The following MYO1D variants were observed in gnomAD, a reference collection of about 807,000 sequenced individuals.
MYO1D encodes the protein unconventional myosin-Id.
In MYO1D, 83 loss-of-function variants were observed where a neutral mutation model predicts 122.0. The ratio of observed to expected loss-of-function variants is 0.68; its 90% confidence interval spans 0.57 to 0.82. The LOEUF is 0.82. Ranked by LOEUF, MYO1D falls within the 40% of genes least tolerant of loss-of-function variation. The probability of loss-of-function intolerance (pLI) is 0.00; values close to 1 mark genes in which losing one functional copy is unlikely to be tolerated. For synonymous variants in MYO1D, 464 were observed against 446.9 expected, an observed-to-expected ratio of 1.04 and a Z score of -0.48; for missense variants, 1,157 against 1,269.5, an observed-to-expected ratio of 0.91 and a Z score of 1.35.
In MYO1D at chr17:32,639,410, T is replaced by C. The variant is rs538560080; in HGVS notation, c.2596-575A>G. On this transcript the variant is annotated intron_variant, in intron 19 of 21. Transcript: ENST00000318217. ...GTGTGTGTGTGTGTGTGTGTGTGTG[T>C]AGAATGCTACTTTATTAGACAGAGG... Among the ~76,000 whole-genome samples the C allele has an allele frequency of 5.9e-4, 88 of 149,874 alleles. 1 individual carries two copies. The highest frequency in any genetic ancestry group is 2.1e-3 in the African/African-American group (84 of 40,666).
At chr17:32,808,180 C>T (rs556147118) in intron 1 of MYO1D, among the ~76,000 whole-genome samples, 47 of 152,022 alleles carry the variant, frequency 3.1e-4, no homozygotes, top group Admixed American at 9.8e-4. Context: ...TCAAGATCAG[C>T]CTGGGCAACA....
At chr17:32,602,882 G>A (rs571790222) in intron 21 of MYO1D, among the ~76,000 whole-genome samples, 14 of 152,188 alleles carry the variant, frequency 9.2e-5, no homozygotes, top group South Asian at 6.2e-4. Context: ...GCAATGATAC[G>A]ATAGTTGACA....
intron 1 of MYO1D, among the ~76,000 whole-genome samples, chr17:32,851,595 T>C (rs751377150): frequency 6.6e-6 from 1 of 152,238 alleles, no homozygotes; most frequent in Non-Finnish European, 1.5e-5. Context: ...TTTGCTTCTG[T>C]GATCTCTCTA....
At chr17:32,607,836 G>A (rs547191879) in intron 20 of MYO1D, among the ~76,000 whole-genome samples, 2 of 152,156 alleles carry the variant, frequency 1.3e-5, no homozygotes, top group South Asian at 2.1e-4. Flanking sequence ...ACAGACTCAC[G>A]TGAATATGGC....
intron 21 of MYO1D, among the ~76,000 whole-genome samples, chr17:32,537,184 T>A (rs1910688709): frequency 6.6e-6 from 1 of 152,214 alleles, no homozygotes; most frequent in African/African-American, 2.4e-5. Flanking sequence ...CATTTCAATT[T>A]AGAGTATTCA....
chr17:32,586,060 G>A (rs919307292), intron 21 of MYO1D, among the ~76,000 whole-genome samples: 2 of 152,102 alleles, frequency 1.3e-5, no homozygotes, highest in African/African-American at 2.4e-5. Flanking sequence ...GTTAGAGGAC[G>A]GTCTTTGAAT....
At chr17:32,833,508 A>G (rs2090791530) in intron 1 of MYO1D, among the ~76,000 whole-genome samples, 1 of 152,166 alleles carries the variant, frequency 6.6e-6, no homozygotes, top group South Asian at 2.1e-4. Context: ...CAGCCGGAGT[A>G]ATTCCGTTAA....
chr17:32,778,620 G>C, intron 2 of MYO1D, 47 bp from the exon 3 acceptor site: 1 of 1,472,856 alleles, frequency 6.8e-7, no homozygotes, highest in Non-Finnish European at 9.5e-7. Flanking sequence ...TTTAAACCAA[G>C]AGTAAGCTAA....
chr17:32,677,190 G>C (rs1044145021), intron 16 of MYO1D, among the ~76,000 whole-genome samples: 2 of 152,072 alleles, frequency 1.3e-5, no homozygotes, highest in East Asian at 1.9e-4. Context: ...AGTTAGAAAG[G>C]CCTTCCCTAC....
Position 32,700,347 on chromosome 17 carries a change from C to T in MYO1D, c.2121+11641G>A, listed in dbSNP as rs543725523. ...TCCTGCTCCTATGAGAATCCAATGC[C>T]GCTGCTGATCTGATAGGCCGCGGAG... On this transcript the variant is annotated intron_variant, in intron 16 of 21. Coordinates refer to ENST00000318217, the MANE Select transcript of MYO1D (RefSeq NM_015194.3). Among the ~76,000 whole-genome samples the T allele has an allele frequency of 9.3e-4, 141 of 152,304 alleles. 1 individual carries two copies. Among genetic ancestry groups the T allele is most frequent in the African/African-American group, 2.9e-3 (120 of 41,566 alleles).
At chr17:32,593,911 C>T (rs1047781734) in intron 21 of MYO1D, among the ~76,000 whole-genome samples, 7 of 152,218 alleles carry the variant, frequency 4.6e-5, no homozygotes, top group South Asian at 2.1e-4. Context: ...CACTCTAGCC[C>T]GGGTGACAGT....
At chr17:32,671,933 T>G (rs1567940945) in intron 16 of MYO1D, among the ~76,000 whole-genome samples, 1 of 152,242 alleles carries the variant, frequency 6.6e-6, no homozygotes, top group Non-Finnish European at 1.5e-5. Flanking sequence ...TAATTTCAGA[T>G]TTTTAAAAAT....
At chr17:32,582,260 C>T (rs1391770363) in intron 21 of MYO1D, among the ~76,000 whole-genome samples, 3 of 152,138 alleles carry the variant, frequency 2.0e-5, no homozygotes, top group Non-Finnish European at 4.4e-5. Flanking sequence ...TGATTTGAGA[C>T]TTTTAAAATC....
intron 20 of MYO1D, among the ~76,000 whole-genome samples, chr17:32,625,736 G>C (rs981195019): frequency 2.0e-5 from 3 of 152,102 alleles, no homozygotes; most frequent in African/African-American, 7.2e-5. Context: ...TCACTATGTT[G>C]CCCAGGCTGG....
At chr17:32,836,329 C>A (rs2090823007) in intron 1 of MYO1D, among the ~76,000 whole-genome samples, 1 of 152,158 alleles carries the variant, frequency 6.6e-6, no homozygotes, top group East Asian at 1.9e-4. Flanking sequence ...ATTTTTCCCT[C>A]AGTTTATCAG....
intron 20 of MYO1D, among the ~76,000 whole-genome samples, chr17:32,624,203 AT>A (rs978672284): frequency 1.5e-4 from 21 of 142,650 alleles, no homozygotes; most frequent in African/African-American, 5.0e-4. Flanking sequence ...GCTTTATTTT[AT>A]TTTTTCTTTA....
At chr17:32,537,288 C>A (rs1400976622) in intron 21 of MYO1D, among the ~76,000 whole-genome samples, 4 of 152,148 alleles carry the variant, frequency 2.6e-5, no homozygotes, top group Admixed American at 6.6e-5. Context: ...AGACCCAGGG[C>A]CAAATCTGGT....
At chr17:32,542,873 G>C (rs971067565) in intron 21 of MYO1D, among the ~76,000 whole-genome samples, 1 of 152,156 alleles carries the variant, frequency 6.6e-6, no homozygotes, top group Non-Finnish European at 1.5e-5. Flanking sequence ...ATAGCCTACA[G>C]AGGAAGCTGG....
intron 14 of MYO1D, among the ~76,000 whole-genome samples, chr17:32,735,152 A>G (rs1007759270): frequency 6.6e-6 from 1 of 150,976 alleles, no homozygotes; most frequent in Admixed American, 6.6e-5. Context: ...TTTGTCATCT[A>G]TTATGTGGTC....
Sources: allele counts gnomAD v4.1 joint callset (sites outside exome capture counted in the v4.1 genomes callset), GRCh38; gene constraint gnomAD v4.1.1; transcripts MANE v1.5; gene names NCBI Gene and HGNC (gene_info 2026-07-23, HGNC 2026-07-21).